Variants in PCDHGB1 observed in about 807,000 individuals in gnomAD.
PCDHGB1 encodes the protein protocadherin gamma subfamily B, 1, also known as protocadherin gamma-B1.
A neutral mutation model predicts 56.6 loss-of-function variants in PCDHGB1; 34 were observed. That is an observed-to-expected ratio of 0.60 (90% CI 0.46 to 0.80). The LOEUF (loss-of-function observed/expected upper bound fraction) is 0.80, where lower values mean the gene tolerates loss of function less well. Ranked by LOEUF, PCDHGB1 falls within the 30% of genes least tolerant of loss-of-function variation. The pLI is 0.00. For missense variants in PCDHGB1, 1,278 were observed against 1,204.6 expected, an observed-to-expected ratio of 1.06 and a Z score of -0.90; for synonymous variants, 561 against 505.9, an observed-to-expected ratio of 1.11 and a Z score of -1.46.
intron 1 of PCDHGB1, among the ~76,000 whole-genome samples, chr5:141,368,063 A>G (rs1765467925): frequency 6.6e-6 from 1 of 152,184 alleles, no homozygotes; most frequent in Non-Finnish European, 1.5e-5. Flanking sequence ...GAACTACTAT[A>G]TTTCCCTTCT....
At chr5:141,383,494 G>A (rs1472112755) in intron 1 of PCDHGB1, 1 of 1,613,248 alleles carries the variant, frequency 6.2e-7, no homozygotes, top group Non-Finnish European at 8.5e-7. Context: ...GCTGGAGCGG[G>A]TGCTGGACCG....
rs566838507 is a variant in PCDHGB1, at chr5:141,415,047, G to A, written c.2409+62378G>A. 5 of 1,613,392 alleles carry A rather than the reference G, an allele frequency of 3.1e-6. No homozygotes were observed. The African/African-American group carries it at 5.3e-5, about 17-fold the overall frequency. Reference sequence around the variant, plus strand: ...GCGAGCCGGGACTCTTCGCGGTGGGGGAGCACACGGGCGAGGTGCGCACGG... The same window carrying A: ...GCGAGCCGGGACTCTTCGCGGTGGGAGAGCACACGGGCGAGGTGCGCACGG... On this transcript the variant is annotated intron_variant, in intron 1 of 3. Coordinates refer to ENST00000523390, the MANE Select transcript of PCDHGB1 (RefSeq NM_018922.3).
chr5:141,354,058 A>C (rs901955724), intron 1 of PCDHGB1, among the ~76,000 whole-genome samples: 3 of 152,234 alleles, frequency 2.0e-5, no homozygotes, highest in African/African-American at 7.2e-5. Context: ...ATGATAATCC[A>C]TGTTCGGCTA....
In PCDHGB1 at chr5:141,357,339, A is replaced by T. The variant is rs771047184; in HGVS notation, c.2409+4670A>T. 8.7e-6 allele frequency: 14 copies of T among 1,613,986 alleles called. No homozygotes were observed. In the South Asian group the frequency reaches 1.5e-4, roughly 18 times the overall value. On this transcript the variant is annotated intron_variant, in intron 1 of 3. Transcript: ENST00000523390. Reference sequence around the variant, plus strand: ...TGGCTTTTGTCACGGTGCTGCTAGCACTCAAGCTGAGACGCTGGCACAAGT... The same window carrying T: ...TGGCTTTTGTCACGGTGCTGCTAGCTCTCAAGCTGAGACGCTGGCACAAGT...
At chr5:141,507,084 T>G (rs2099858284) in intron 3 of PCDHGB1, 1 of 152,142 alleles carries the variant, frequency 6.6e-6, no homozygotes, top group African/African-American at 2.4e-5. Flanking sequence ...ACTCCTAAGT[T>G]TATGCTCTTT....
At chr5:141,392,973 C>A (rs1405082783) in intron 1 of PCDHGB1, 1 of 1,613,888 alleles carries the variant, frequency 6.2e-7, no homozygotes, top group South Asian at 1.1e-5. Flanking sequence ...GGACCTGGGG[C>A]TGGACCCCCG....
At chr5:141,459,108 A>G (rs1240280274) in intron 1 of PCDHGB1, among the ~76,000 whole-genome samples, 1 of 152,216 alleles carries the variant, frequency 6.6e-6, no homozygotes, top group Non-Finnish European at 1.5e-5. Flanking sequence ...ATGCATTTTG[A>G]CAATTGTTTA....
chr5:141,499,408 G>C (rs1178843162), intron 2 of PCDHGB1, among the ~76,000 whole-genome samples: 1 of 151,896 alleles, frequency 6.6e-6, no homozygotes, highest in Non-Finnish European at 1.5e-5. Context: ...GCTCATTATA[G>C]AAACATGAAA....
chr5:141,511,374 CA>C lies in PCDHGB1; in HGVS notation c.*202del. ...CCCCAGGGGGTTGAATATGCAAAAG[CA>C]GTTCCGCTGGGAACCCCCATCCAAT... On this transcript the variant is annotated 3_prime_UTR_variant, in exon 4 of 4. Coordinates refer to ENST00000523390, the MANE Select transcript of PCDHGB1 (RefSeq NM_018922.3). The C allele has an allele frequency of 8.0e-7, 1 of 1,242,392 alleles. No individual in the cohort carries two copies. 77.0% of individuals were successfully genotyped at this position (1,242,392 alleles called of 1,614,324 possible).
At chr5:141,383,483 T>A (rs1779176353) in intron 1 of PCDHGB1, 1 of 1,613,378 alleles carries the variant, frequency 6.2e-7, no homozygotes, top group Non-Finnish European at 8.5e-7. Flanking sequence ...CCGGAACTGG[T>A]GCTGGAGCGG....
chr5:141,351,952 G>C lies in PCDHGB1; in HGVS notation c.1692G>C (p.Gly564=). 1.2e-6 allele frequency: 2 copies of C among 1,613,070 alleles called. No homozygotes were observed. The highest frequency in any genetic ancestry group is 2.2e-5 in the South Asian group (2 of 91,062). The part of the protein sequence containing the change: ...NAPRVLYPAL[G]PDGSALFDMV... Reference sequence around the variant, plus strand: ...CACGGGTGCTGTACCCCGCGCTGGGGCCTGATGGCTCCGCCCTCTTCGATA... The same window carrying C: ...CACGGGTGCTGTACCCCGCGCTGGGCCCTGATGGCTCCGCCCTCTTCGATA... The change falls in exon 1 of 4, where the codon GGG becomes GGC. Residue 564 remains glycine, a synonymous_variant. Coordinates refer to ENST00000523390, the MANE Select transcript of PCDHGB1 (RefSeq NM_018922.3).
chr5:141,369,471 A>T (rs1182179165), intron 1 of PCDHGB1, among the ~76,000 whole-genome samples: 1 of 152,168 alleles, frequency 6.6e-6, no homozygotes, highest in South Asian at 2.1e-4. Context: ...GTTCTAGCCC[A>T]GCCTGGGCAA....
chr5:141,427,046 C>A (rs916723344), intron 1 of PCDHGB1: 6 of 457,244 alleles, frequency 1.3e-5, no homozygotes, highest in African/African-American at 2.0e-5. Flanking sequence ...AGAATGTGCC[C>A]CCAGGCACCT....
intron 1 of PCDHGB1, among the ~76,000 whole-genome samples, chr5:141,455,570 A>T (rs181469693): frequency 2.6e-5 from 4 of 152,222 alleles, no homozygotes; most frequent in Non-Finnish European, 5.9e-5. Context: ...TGGCCCTCCC[A>T]CCCCAGCCTT....
intron 1 of PCDHGB1, among the ~76,000 whole-genome samples, chr5:141,465,335 T>C (rs1222292569): frequency 6.6e-6 from 1 of 152,186 alleles, no homozygotes; most frequent in African/African-American, 2.4e-5. Context: ...ATTTTTTATA[T>C]TGGTTACTGA....
chr5:141,505,592 A>T, intron 3 of PCDHGB1, 111 bp downstream of exon 3: 2 of 1,567,266 alleles, frequency 1.3e-6, no homozygotes, highest in Admixed American at 3.6e-5. Flanking sequence ...GTTTCTCCAG[A>T]TCTTTCGGCA....
At chr5:141,446,766 C>T (rs1335326278) in intron 1 of PCDHGB1, among the ~76,000 whole-genome samples, 7 of 152,208 alleles carry the variant, frequency 4.6e-5, no homozygotes, top group East Asian at 3.9e-4. Context: ...CGCGCCCAGC[C>T]GGTTACCATT....
intron 1 of PCDHGB1, among the ~76,000 whole-genome samples, chr5:141,480,720 G>C (rs2099524423): frequency 6.6e-6 from 1 of 152,146 alleles, no homozygotes; most frequent in Non-Finnish European, 1.5e-5. Context: ...TGAAAGCACA[G>C]TCTCTGGGGG....
At chr5:141,403,378 T>G in intron 1 of PCDHGB1, 5 of 1,614,002 alleles carry the variant, frequency 3.1e-6, no homozygotes, top group Non-Finnish European at 4.2e-6. Context: ...AAGTAAAAAT[T>G]AACGAAATCG....
Sources: allele counts gnomAD v4.1 joint callset (sites outside exome capture counted in the v4.1 genomes callset), GRCh38; gene constraint gnomAD v4.1.1; transcripts MANE v1.5; gene names NCBI Gene and HGNC (gene_info 2026-07-23, HGNC 2026-07-21).